The following GDI2 variants were observed in gnomAD, a reference collection of about 807,000 sequenced individuals.
The protein encoded by GDI2 is rab GDP dissociation inhibitor beta.
GDI2 carries 22 observed loss-of-function variants against 54.2 expected under a neutral mutation model. The observed-to-expected ratio is 0.41, with a 90% CI of 0.29 to 0.58. The LOEUF is 0.58. GDI2 is among the 20% of genes least tolerant of loss of function. GDI2 has a pLI of 0.35. For missense variants in GDI2, 422 were observed against 546.0 expected (o/e 0.77, Z 2.26); for synonymous variants, 177 against 182.1 (o/e 0.97, Z 0.23).
Position 5,785,856 on chromosome 10 carries a change from C to T in GDI2, c.583G>A (p.Asp195Asn), listed in dbSNP as rs1290080550. 6.3e-7 allele frequency: 1 copy of T among 1,575,368 alleles called. No individual in the cohort carries two copies. Among genetic ancestry groups the T allele is most frequent in the Non-Finnish European group, 8.7e-7 (1 of 1,147,964 alleles). Residue 195 changes from aspartate to asparagine, a missense_variant, in exon 5 of 11, where the codon GAT becomes AAT. Coordinates refer to ENST00000380191, the MANE Select transcript of GDI2 (RefSeq NM_001494.4). ...TGHALALYRT[D>N]DYLDQPCYET... ...TCTAAAAACCAAAATACTTACTCAT[C>T]AGTTCTGTAAAGTGCAAGAGCATGA...
intron 6 of GDI2, among the ~76,000 whole-genome samples, chr10:5,777,514 GAA>G (rs1840653210): frequency 6.6e-6 from 1 of 151,862 alleles, no homozygotes; most frequent in South Asian, 2.1e-4. Context: ...ATGCAGCCAA[GAA>G]ACATGAAAAA....
In GDI2 at chr10:5,774,180, C is replaced by T. The variant is rs1037909627; in HGVS notation, c.720-239G>A. Among the ~76,000 whole-genome samples, 4 of 152,166 alleles carry T rather than the reference C, an allele frequency of 2.6e-5. No homozygotes were observed. Among genetic ancestry groups the T allele is most frequent in the Admixed American group, 6.6e-5 (1 of 15,266 alleles). Reference sequence around the variant, plus strand: ...GCACTTGTCTTTCGAGCTGCCCACTCGGCCCTCCTCCAAGTGTACTTTCTT... The same window carrying T: ...GCACTTGTCTTTCGAGCTGCCCACTTGGCCCTCCTCCAAGTGTACTTTCTT... On this transcript the variant is annotated intron_variant, in intron 6 of 10. Transcript: ENST00000380191. This position sits in a 1 kb window ranked among gnomAD's most constrained non-coding sequence, Gnocchi z 4.8.
intron 6 of GDI2, among the ~76,000 whole-genome samples, chr10:5,780,293 CA>C (rs75631052): frequency 0.4 from 52,318 of 131,786 alleles, 9,590 homozygotes; most frequent in East Asian, 0.63. Flanking sequence ...AAACCATCTA[CA>C]AAAAAAAAAA....
chr10:5,812,122 A>C lies in GDI2; in HGVS notation c.45+1092T>G, dbSNP rs185964989. ...CATCTTAATTATGATCAAGCAGCCCAAAGTTAGAATTTCAAATTTCCCCAA... is the reference window on the plus strand; with the variant it reads ...CATCTTAATTATGATCAAGCAGCCCCAAGTTAGAATTTCAAATTTCCCCAA... On this transcript the variant is annotated intron_variant, in intron 1 of 10. Coordinates refer to ENST00000380191, the MANE Select transcript of GDI2 (RefSeq NM_001494.4). Among the ~76,000 whole-genome samples the C allele has an allele frequency of 2.9e-3, 444 of 152,064 alleles. 3 individuals are homozygous for C. Among genetic ancestry groups the C allele is most frequent in the African/African-American group, 0.01 (430 of 41,504 alleles).
chr10:5,799,244 G>A (rs1841212786), intron 2 of GDI2, among the ~76,000 whole-genome samples: 1 of 152,168 alleles, frequency 6.6e-6, no homozygotes, highest in Non-Finnish European at 1.5e-5. Flanking sequence ...GGCTGATACA[G>A]GAGGATCGTT....
intron 4 of GDI2, among the ~76,000 whole-genome samples, chr10:5,791,689 G>A (rs1841015843): frequency 6.6e-6 from 1 of 150,980 alleles, no homozygotes; most frequent in African/African-American, 2.4e-5. Context: ...GGAGGTTGCA[G>A]TGAGCGCACC....
rs183567773 is a variant in GDI2, at chr10:5,771,160, G to A, written c.819+2682C>T. On this transcript the variant is annotated intron_variant, in intron 7 of 10. Transcript: ENST00000380191. The stretch of plus-strand genomic sequence containing the variant: ...AAGTCAAGGTAATTATTAAACTGTC[G>A]GTAACTACTGAAACTAGCTTTGCCA... Among the ~76,000 whole-genome samples, 53 of 151,950 alleles carry A rather than the reference G, an allele frequency of 3.5e-4. 1 individual carries two copies. Among genetic ancestry groups the A allele is most frequent in the Admixed American group, 3.1e-3 (47 of 15,252 alleles).
At chr10:5,794,184 AAAAAATATATATATATATATATATAT>A (rs1564395933) in intron 4 of GDI2, among the ~76,000 whole-genome samples, 2 of 52,714 alleles carry the variant, frequency 3.8e-5, no homozygotes, top group East Asian at 8.3e-4. Flanking sequence ...AAAAAAAAAA[AAAAAATATATATATATATATATATAT>A]ATATATATAT....
chr10:5,791,576 C>T (rs928255303), intron 4 of GDI2, among the ~76,000 whole-genome samples: 5 of 151,922 alleles, frequency 3.3e-5, no homozygotes, highest in African/African-American at 7.2e-5. Context: ...GGAGAAACCC[C>T]GTCTCTACTA....
intron 2 of GDI2, among the ~76,000 whole-genome samples, chr10:5,799,570 T>C (rs1277348765): frequency 6.6e-6 from 1 of 152,198 alleles, no homozygotes; most frequent in Non-Finnish European, 1.5e-5. Flanking sequence ...AAGAATCACC[T>C]GAACCCAGAA....
In GDI2 at chr10:5,785,979, C is replaced by T. The variant is rs750474960; in HGVS notation, c.460G>A (p.Asp154Asn). Reference protein sequence around the residue: ...LVYVANFDEKDPRTFEGIDPK... With the variant: ...LVYVANFDEKNPRTFEGIDPK... The stretch of plus-strand genomic sequence containing the variant: ...TCAATGCCTTCAAAAGTTCTTGGAT[C>T]TTTTTCATCGAAGTTGGCAACATAC... The change falls in exon 5 of 11, where the codon GAT (aspartate) becomes AAT (asparagine). Residue 154 changes from aspartate to asparagine, a missense_variant. Physicochemically the swap from Asp to Asn is conservative, Grantham distance 23 (BLOSUM62 1). Coordinates refer to ENST00000380191, the MANE Select transcript of GDI2 (RefSeq NM_001494.4). 6.2e-7 allele frequency: 1 copy of T among 1,613,518 alleles called. No homozygotes were observed. Among genetic ancestry groups the T allele is most frequent in the South Asian group, 1.1e-5 (1 of 91,074 alleles).
At chr10:5,788,190 G>GTT (rs201960811) in intron 4 of GDI2, among the ~76,000 whole-genome samples, 180 of 147,144 alleles carry the variant, frequency 1.2e-3, no homozygotes, top group African/African-American at 3.2e-3. Flanking sequence ...TTCCTACTGT[G>GTT]TTTTTTTTTT....
chr10:5,775,530 G>T (rs1265083750), intron 6 of GDI2, among the ~76,000 whole-genome samples: 2 of 152,156 alleles, frequency 1.3e-5, no homozygotes, highest in African/African-American at 4.8e-5. Context: ...GCGGCCAGAG[G>T]AGATGAAAAT....
Position 5,808,145 on chromosome 10 carries a change from T to C in GDI2, c.45+5069A>G, listed in dbSNP as rs562461391. ...TGAGCCCAGGAGTTTGAGACCAGCC[T>C]GGACAACATGGCAAAACCCCATTTC... On this transcript the variant is annotated intron_variant, in intron 1 of 10. Coordinates refer to ENST00000380191, the MANE Select transcript of GDI2 (RefSeq NM_001494.4). Among the ~76,000 whole-genome samples, 8 of 152,204 alleles carry C rather than the reference T, an allele frequency of 5.3e-5. No homozygotes were observed. The South Asian group carries it at 1.7e-3, about 32-fold the overall frequency.
At chr10:5,771,219 A>G (rs1242687866) in intron 7 of GDI2, among the ~76,000 whole-genome samples, 1 of 152,186 alleles carries the variant, frequency 6.6e-6, no homozygotes, top group East Asian at 1.9e-4. Context: ...GAACAGATAT[A>G]TGAACTGTAA....
In GDI2 at chr10:5,768,871, G is replaced by C. The variant is rs1208552154; in HGVS notation, c.820-487C>G. 1 of 152,462 alleles carries C rather than the reference G, an allele frequency of 6.6e-6. No individual in the cohort carries two copies. The highest frequency in any genetic ancestry group is 6.5e-5 in the Admixed American group (1 of 15,294). 9.4% of individuals were successfully genotyped at this position (152,462 alleles called of 1,614,324 possible). ...GGTATCTAAAACTATAAAACTCTTAGGAGAAAACAGTGCAAAAGCTTCATG... is the reference window on the plus strand; with the variant it reads ...GGTATCTAAAACTATAAAACTCTTACGAGAAAACAGTGCAAAAGCTTCATG... On this transcript the variant is annotated intron_variant, in intron 7 of 10. Coordinates refer to ENST00000380191, the MANE Select transcript of GDI2 (RefSeq NM_001494.4). The surrounding 1 kb of genome is among the most constrained non-coding windows in gnomAD (Gnocchi z 4.4).
chr10:5,800,816 A>G (rs771356160), intron 1 of GDI2, 111 bp from the exon 2 acceptor site: 2 of 697,140 alleles, frequency 2.9e-6, no homozygotes, highest in African/African-American at 1.8e-5. Context: ...ACTTATATTC[A>G]TGCAACATGA....
intron 1 of GDI2, among the ~76,000 whole-genome samples, chr10:5,808,287 T>C (rs1453921414): frequency 6.6e-6 from 1 of 152,144 alleles, no homozygotes; most frequent in Non-Finnish European, 1.5e-5. Context: ...ATCACACAAC[T>C]GCACTCCAGC....
chr10:5,812,977 C>A (rs1179819040), intron 1 of GDI2, among the ~76,000 whole-genome samples: 1 of 152,160 alleles, frequency 6.6e-6, no homozygotes, highest in South Asian at 2.1e-4. Context: ...CCGCCCCGAG[C>A]CTCACGGCCC....
Sources: gnomAD v4.1 joint callset for allele counts (sites outside exome capture counted in the v4.1 genomes callset) on GRCh38, gnomAD v4.1.1 for gene constraint, Gnocchi (gnomAD v3.1) non-coding constraint, MANE v1.5 for transcripts, NCBI Gene and HGNC (gene_info 2026-07-23, HGNC 2026-07-21) for gene names.